The following TACC3 variants were observed in gnomAD, a reference collection of about 807,000 sequenced individuals.
TACC3 encodes transforming acidic coiled-coil-containing protein 3.
In TACC3, 52 loss-of-function variants were observed where a neutral mutation model predicts 86.0. The observed-to-expected ratio is 0.60, with a 90% confidence interval of 0.48 to 0.76. The LOEUF is 0.76. Ranked by LOEUF, TACC3 falls within the 30% of genes least tolerant of loss-of-function variation. The probability of loss-of-function intolerance (pLI) is 0.00; values close to 1 mark genes in which losing one functional copy is unlikely to be tolerated. For missense variants in TACC3, 1,120 were observed against 1,070.4 expected (o/e 1.05, Z -0.65); for synonymous variants, 512 against 430.0 (o/e 1.19, Z -2.36).
At chr4:1,733,986 A>AAG (rs1718131812) in intron 6 of TACC3, among the ~76,000 whole-genome samples, 1 of 152,158 alleles carries the variant, frequency 6.6e-6, no homozygotes, top group Non-Finnish European at 1.5e-5. Context: ...CAAAAAAAAA[A>AAG]AAAAGAAAAG....
intron 2 of TACC3, 60 bp downstream of exon 2, chr4:1,723,643 T>C: frequency 1.2e-6 from 2 of 1,608,994 alleles, no homozygotes; most frequent in Non-Finnish European, 1.7e-6. Flanking sequence ...GCTTTCTTGG[T>C]GACCTCTGAG....
chr4:1,744,472 C>A, intron 13 of TACC3, 46 bp from the exon 14 acceptor site: 1 of 1,572,782 alleles, frequency 6.4e-7, no homozygotes, highest in Non-Finnish European at 8.7e-7. Context: ...TGGGTGCTCT[C>A]CAGCAGACGG....
chr4:1,737,536 A>G (rs1370788944), intron 9 of TACC3, 62 bp from the exon 10 acceptor site: 5 of 1,341,072 alleles, frequency 3.7e-6, no homozygotes, highest in Middle Eastern at 2.2e-4. Context: ...CCTCCCTCAC[A>G]CTAGGTCAGA....
chr4:1,740,118 C>A, intron 12 of TACC3, 116 bp downstream of exon 12: 1 of 1,011,998 alleles, frequency 9.9e-7, no homozygotes, highest in Non-Finnish European at 1.5e-6. Context: ...CTTTTCCTAA[C>A]ACACGAGTCC....
chr4:1,738,638 C>T (rs1718409376), intron 10 of TACC3, among the ~76,000 whole-genome samples: 1 of 152,226 alleles, frequency 6.6e-6, no homozygotes, highest in African/African-American at 2.4e-5. Flanking sequence ...GGGTGCCCCT[C>T]GCAGATGGAG....
chr4:1,733,908 G>A (rs748902111), intron 6 of TACC3, among the ~76,000 whole-genome samples: 8 of 151,708 alleles, frequency 5.3e-5, no homozygotes, highest in Non-Finnish European at 8.8e-5. Context: ...AACCCAGGAG[G>A]CGGAGGTTGC....
chr4:1,744,175 A>G (rs1015876791), intron 13 of TACC3, among the ~76,000 whole-genome samples: 1 of 152,128 alleles, frequency 6.6e-6, no homozygotes, highest in East Asian at 1.9e-4. Context: ...GCTCAGCTCC[A>G]GAGGGAGACG....
intron 13 of TACC3, chr4:1,741,293 G>A (rs941970145): frequency 1.3e-5 from 3 of 231,928 alleles, no homozygotes; most frequent in African/African-American, 6.8e-5. Flanking sequence ...TGGTGCACCG[G>A]GGCCTGGGGC....
rs374294306 is a variant in TACC3, at chr4:1,736,149, C to T, written c.1748+315C>T. Among the ~76,000 whole-genome samples, 4 of 152,320 alleles carry T rather than the reference C, an allele frequency of 2.6e-5. No individual in the cohort carries two copies. In the East Asian group the frequency reaches 5.8e-4, roughly 22 times the overall value. On this transcript the variant is annotated intron_variant, in intron 8 of 15. Coordinates refer to ENST00000313288, the MANE Select transcript of TACC3 (RefSeq NM_006342.3). ...CTAAAACAGAGGTCGGCAGGCCAGGCGCGGTGGCTTACGCCTGTAATCCCA... is the reference window on the plus strand; with the variant it reads ...CTAAAACAGAGGTCGGCAGGCCAGGTGCGGTGGCTTACGCCTGTAATCCCA...
At chr4:1,741,989 G>A (rs978824024) in intron 13 of TACC3, 6 of 152,262 alleles carry the variant, frequency 3.9e-5, no homozygotes, top group African/African-American at 1.4e-4. Context: ...CAGCTACTAG[G>A]GAGGCTGAGG....
rs1718739370 is a variant in TACC3, at chr4:1,744,369, AG to A, written c.2224-145del. 7.3e-6 allele frequency: 5 copies of A among 684,460 alleles called. No homozygotes were observed. In the South Asian group the frequency reaches 7.5e-5, roughly 10 times the overall value. 42.4% of individuals were successfully genotyped at this position (684,460 alleles called of 1,614,324 possible). ...GGGGGTGAGCTGGGAACTTGTGTGA[AG>A]GGGCTTTTTCCAAAAGGAAAACGGG... On this transcript the variant is annotated intron_variant, in intron 13 of 15. Coordinates refer to ENST00000313288, the MANE Select transcript of TACC3 (RefSeq NM_006342.3).
chr4:1,724,302 A>C (rs937202715), intron 3 of TACC3, among the ~76,000 whole-genome samples: 4 of 151,436 alleles, frequency 2.6e-5, no homozygotes, highest in Non-Finnish European at 5.9e-5. Context: ...TGAAATCTGC[A>C]CTGAGTGTAT....
chr4:1,721,392 G>C (rs1221327145), upstream of TACC3: 1 of 151,566 alleles, frequency 6.6e-6, no homozygotes, highest in African/African-American at 2.4e-5. Context: ...GGGGGAGGGA[G>C]GGCGGAGCCG....
chr4:1,740,155 C>A, intron 12 of TACC3, 153 bp downstream of exon 12: 2 of 732,042 alleles, frequency 2.7e-6, no homozygotes, highest in Middle Eastern at 2.8e-4. Context: ...GCCGTGGAAG[C>A]ACTGAGGCGA....
At position 1,728,497 on chromosome 4, in the gene TACC3, T is replaced by A; in HGVS notation, c.1095T>A (p.Pro365=). 6.2e-7 allele frequency: 1 copy of A among 1,613,854 alleles called. No individual in the cohort carries two copies. ...RRLGERSGLK[P]PLRKAAVRQQ... is the part of the protein sequence containing the mutation. ...TGGGAGAGAGGTCCGGCCTCAAGCC[T>A]CCCTTGAGGAAAGCAGCAGTGAGGC... is the stretch of plus-strand genomic sequence containing the variant. Residue 365 remains proline, a synonymous_variant, in exon 4 of 16, where the codon CCT becomes CCA. Coordinates refer to ENST00000313288, the MANE Select transcript of TACC3 (RefSeq NM_006342.3).
intron 8 of TACC3, among the ~76,000 whole-genome samples, chr4:1,736,431 A>AAAAG: frequency 6.6e-6 from 1 of 151,248 alleles, no homozygotes; most frequent in Non-Finnish European, 1.5e-5. Flanking sequence ...TCAAAAAAAA[A>AAAAG]AAAAAAAAAA....
At chr4:1,737,953 G>T (rs1310732582) in intron 10 of TACC3, 11 of 605,736 alleles carry the variant, frequency 1.8e-5, no homozygotes, top group Admixed American at 4.4e-5. Context: ...TCTCCGGCCT[G>T]GGCATGGCGT....
In TACC3 at chr4:1,739,978, G is replaced by A. The variant is rs1209959345; in HGVS notation, c.2038G>A (p.Glu680Lys). 5.0e-6 allele frequency: 8 copies of A among 1,612,988 alleles called. No individual in the cohort carries two copies. Among genetic ancestry groups the A allele is most frequent in the East Asian group, 2.2e-5 (1 of 44,882 alleles). ...CCACAGGAAGATCATGGACAGGTTC[G>A]AAGAGGTTGTGTACCAGGCCATGGG... ...LELGKIMDRF[E>K]EVVYQAMEEV... The change falls in exon 12 of 16, where the codon GAA (glutamate) becomes AAA (lysine). Residue 680 changes from glutamate to lysine, a missense_variant. Physicochemically the swap from Glu to Lys is moderately conservative, Grantham distance 56 (BLOSUM62 1). Coordinates refer to ENST00000313288, the MANE Select transcript of TACC3 (RefSeq NM_006342.3).
chr4:1,737,495 T>A (rs757448252), intron 9 of TACC3, 103 bp from the exon 10 acceptor site: 116 of 1,139,674 alleles, frequency 1.0e-4, no homozygotes, highest in Non-Finnish European at 1.3e-4. Flanking sequence ...CCTCATGCAC[T>A]GTCTGAGGCT....
Sources: allele counts gnomAD v4.1 joint callset (sites outside exome capture counted in the v4.1 genomes callset), GRCh38; gene constraint gnomAD v4.1.1; transcripts MANE v1.5; gene names NCBI Gene and HGNC (gene_info 2026-07-23, HGNC 2026-07-21).